Variants in FRMD4B observed in about 807,000 individuals in gnomAD.
FRMD4B encodes the protein FERM domain-containing protein 4B.
FRMD4B carries 74 observed loss-of-function variants against 141.5 expected under a neutral mutation model. The observed-to-expected ratio is 0.52, with a 90% CI of 0.43 to 0.63. The LOEUF (loss-of-function observed/expected upper bound fraction) is 0.63, where lower values mean the gene tolerates loss of function less well. Ranked by LOEUF, FRMD4B falls within the 30% of genes least tolerant of loss-of-function variation. FRMD4B has a pLI of 0.00. For missense variants in FRMD4B, 1,366 were observed against 1,253.4 expected (o/e 1.09, Z -1.36); for synonymous variants, 506 against 467.9 (o/e 1.08, Z -1.05).
chr3:69,358,615 A>G (rs901847315), intron 1 of FRMD4B, among the ~76,000 whole-genome samples: 1 of 152,164 alleles, frequency 6.6e-6, no homozygotes, highest in African/African-American at 2.4e-5. Context: ...ATGCGCCTAT[A>G]GTCCCAGATA....
chr3:69,494,305 G>T (rs560883216), intron 1 of FRMD4B, among the ~76,000 whole-genome samples: 8 of 152,356 alleles, frequency 5.3e-5, no homozygotes, highest in African/African-American at 1.7e-4. Flanking sequence ...AGGCTGAGGA[G>T]ATGATTGGGC....
At chr3:69,403,779 C>G (rs1330615967) in intron 2 of FRMD4B, among the ~76,000 whole-genome samples, 1 of 152,118 alleles carries the variant, frequency 6.6e-6, no homozygotes, top group Non-Finnish European at 1.5e-5. Flanking sequence ...ATCTCTATTC[C>G]AAAAGTGTGC....
At chr3:69,444,565 C>A (rs899365795) in intron 1 of FRMD4B, among the ~76,000 whole-genome samples, 6 of 152,156 alleles carry the variant, frequency 3.9e-5, no homozygotes, top group African/African-American at 1.4e-4. Context: ...TCATGGATTT[C>A]TGTGTGATTA....
chr3:69,492,707 A>G (rs1187203693), intron 1 of FRMD4B, among the ~76,000 whole-genome samples: 1 of 152,204 alleles, frequency 6.6e-6, no homozygotes, highest in Admixed American at 6.5e-5. Context: ...CACAACTATA[A>G]TTACCCTTAG....
rs1467153572 is a variant in FRMD4B at position 69,202,849 on chromosome 3, A to G, written c.877-4075T>C. On this transcript the variant is annotated intron_variant, in intron 11 of 22. Transcript: ENST00000398540. ...GGGACTACTTTGCAATTGCAAAAGT[A>G]AATAGAAAGATAAAATATTAAAAGA... 9.3e-5 allele frequency among the ~76,000 whole-genome samples: 14 copies of G among 150,574 alleles called. No homozygotes were observed. In the East Asian group the frequency reaches 2.5e-3, roughly 27 times the overall value.
chr3:69,257,725 T>C (rs1232832132), intron 5 of FRMD4B, among the ~76,000 whole-genome samples: 1 of 151,870 alleles, frequency 6.6e-6, no homozygotes, highest in African/African-American at 2.4e-5. Context: ...GCAGTGGTGC[T>C]GTCCTGGCTC....
intron 1 of FRMD4B, among the ~76,000 whole-genome samples, chr3:69,324,551 C>A (rs1702117991): frequency 1.3e-5 from 2 of 152,240 alleles, no homozygotes; most frequent in Admixed American, 1.3e-4. Flanking sequence ...CCTCTACCCA[C>A]TAGATGTCAG....
At chr3:69,185,392 T>C (rs2092755412) in intron 19 of FRMD4B, among the ~76,000 whole-genome samples, 1 of 152,060 alleles carries the variant, frequency 6.6e-6, no homozygotes, top group Non-Finnish European at 1.5e-5. Context: ...CCTTGAATAA[T>C]CTAATAATCT....
At chr3:69,351,053 C>A (rs1447755220) in intron 1 of FRMD4B, among the ~76,000 whole-genome samples, 1 of 151,940 alleles carries the variant, frequency 6.6e-6, no homozygotes, top group Admixed American at 6.6e-5. Context: ...ACCTTTACAG[C>A]CTGATCTACA....
chr3:69,189,222 CAAA>C (rs71115659), intron 18 of FRMD4B, among the ~76,000 whole-genome samples: 7 of 39,780 alleles, frequency 1.8e-4, no homozygotes, highest in Non-Finnish European at 2.8e-4. Context: ...AACTCCATCT[CAAA>C]AAAAAAAAAA....
chr3:69,249,999 A>C (rs539414493), intron 6 of FRMD4B, 44 bp downstream of exon 6: 1 of 1,337,992 alleles, frequency 7.5e-7, no homozygotes, highest in Non-Finnish European at 1.1e-6. Context: ...ACAAAAACGA[A>C]CAAACACAAG....
intron 1 of FRMD4B, among the ~76,000 whole-genome samples, chr3:69,540,773 T>A (rs2107181749): frequency 6.6e-6 from 1 of 151,622 alleles, no homozygotes; most frequent in Middle Eastern, 3.4e-3. Context: ...AGGCACTGTC[T>A]TGTTAAGAGC....
At chr3:69,245,224 A>G (rs9821402) in intron 7 of FRMD4B, among the ~76,000 whole-genome samples, 151,407 of 152,332 alleles carry the variant, frequency 0.99, 75,260 homozygotes, top group Middle Eastern at 1. Context: ...ATAAGTAGCC[A>G]AGCTGGCATT....
At chr3:69,174,390 A>G (rs2092621532) in intron 22 of FRMD4B, among the ~76,000 whole-genome samples, 1 of 152,188 alleles carries the variant, frequency 6.6e-6, no homozygotes, top group Non-Finnish European at 1.5e-5. Context: ...AAGATGTAAA[A>G]CTGTATGTAC....
Position 69,308,187 on chromosome 3 carries a change from C to T in FRMD4B, c.323+3076G>A, listed in dbSNP as rs11707515. 3.3e-5 allele frequency among the ~76,000 whole-genome samples: 5 copies of T among 152,010 alleles called. No homozygotes were observed. The South Asian group carries it at 1.0e-3, about 32-fold the overall frequency. The stretch of plus-strand genomic sequence containing the variant: ...TGTGGGCCGGTGCTATATGCTCTGC[C>T]TACCTTACCTGATTTAATAGTATTG... On this transcript the variant is annotated intron_variant, in intron 3 of 22. Coordinates refer to ENST00000398540, the MANE Select transcript of FRMD4B (RefSeq NM_015123.3).
chr3:69,309,750 AT>A (rs1328080292), intron 3 of FRMD4B, among the ~76,000 whole-genome samples: 1 of 151,424 alleles, frequency 6.6e-6, no homozygotes, highest in Non-Finnish European at 1.5e-5. Flanking sequence ...CCCGGCCAAT[AT>A]TTTTTCAATG....
chr3:69,203,006 T>C (rs2092984488), intron 11 of FRMD4B, among the ~76,000 whole-genome samples: 1 of 151,130 alleles, frequency 6.6e-6, no homozygotes, highest in Non-Finnish European at 1.5e-5. Context: ...AAAATCATGG[T>C]GGAATCAAGC....
At chr3:69,408,108 A>G (rs1704683021) in intron 2 of FRMD4B, among the ~76,000 whole-genome samples, 1 of 152,156 alleles carries the variant, frequency 6.6e-6, no homozygotes, top group Non-Finnish European at 1.5e-5. Context: ...ATAAAACTTT[A>G]TTTACAAAAC....
At chr3:69,310,429 A>G (rs558365481) in intron 3 of FRMD4B, 3 of 456,518 alleles carry the variant, frequency 6.6e-6, no homozygotes, top group Admixed American at 2.3e-5. Flanking sequence ...GCATTTTAAC[A>G]TTTAAGGAGC....
Sources: allele counts gnomAD v4.1 joint callset (sites outside exome capture counted in the v4.1 genomes callset), GRCh38; gene constraint gnomAD v4.1.1; transcripts MANE v1.5; gene names NCBI Gene and HGNC (gene_info 2026-07-23, HGNC 2026-07-21).